The following JAM3 variants were observed in gnomAD, a reference collection of about 807,000 sequenced individuals.
The protein encoded by JAM3 is junctional adhesion molecule C.
Under a neutral mutation model 39.4 loss-of-function variants are expected in JAM3, and 31 were observed. The ratio of observed to expected loss-of-function variants is 0.79; its 90% CI spans 0.59 to 1.06. The LOEUF (loss-of-function observed/expected upper bound fraction) is 1.06, where lower values mean the gene tolerates loss of function less well. Among genes scored for constraint, JAM3 ranks in the 50% least tolerant of loss-of-function variants. The pLI is 0.00. For missense variants in JAM3, 455 were observed against 391.4 expected, an observed-to-expected ratio of 1.16 and a Z score of -1.37; for synonymous variants, 182 against 148.7, an observed-to-expected ratio of 1.22 and a Z score of -1.63.
chr11:134,127,528 G>T (rs1239763802), intron 1 of JAM3, among the ~76,000 whole-genome samples: 1 of 152,072 alleles, frequency 6.6e-6, no homozygotes, highest in African/African-American at 2.4e-5. Flanking sequence ...GTGAAACCCC[G>T]TTTCTATTAA....
At chr11:134,091,122 G>T (rs1289883168) in intron 1 of JAM3, among the ~76,000 whole-genome samples, 1 of 152,104 alleles carries the variant, frequency 6.6e-6, no homozygotes, top group Admixed American at 6.5e-5. Context: ...CTGTGGATTG[G>T]CTTAGAACTG....
At chr11:134,118,637 C>A (rs1050248237) in intron 1 of JAM3, among the ~76,000 whole-genome samples, 1 of 152,186 alleles carries the variant, frequency 6.6e-6, no homozygotes, top group African/African-American at 2.4e-5. Flanking sequence ...TACTCTTCCT[C>A]CTCTCTCCCT....
chr11:134,088,051 C>A (rs1246743155), intron 1 of JAM3, among the ~76,000 whole-genome samples: 4 of 152,208 alleles, frequency 2.6e-5, no homozygotes, highest in African/African-American at 9.7e-5. Context: ...TGCTGTAAGA[C>A]AGGATTCAGC....
chr11:134,083,437 C>G (rs1286641283), intron 1 of JAM3, among the ~76,000 whole-genome samples: 2 of 152,310 alleles, frequency 1.3e-5, no homozygotes. Context: ...GGGCTAGTAT[C>G]CCACATGCTG....
At chr11:134,071,069 T>A (rs1217835117) in intron 1 of JAM3, among the ~76,000 whole-genome samples, 1 of 152,246 alleles carries the variant, frequency 6.6e-6, no homozygotes, top group Non-Finnish European at 1.5e-5. Flanking sequence ...TCATGACTAC[T>A]GTGTCCTTTT....
chr11:134,124,121 A>G (rs1463641222), intron 1 of JAM3: 11 of 1,488,826 alleles, frequency 7.4e-6, no homozygotes, highest in South Asian at 2.3e-5. Flanking sequence ...GTGGAGCTCC[A>G]TCATCAAATG....
In JAM3 at chr11:134,140,652, G is replaced by T. The variant is rs762090062; in HGVS notation, c.143-5G>T. ...CGAGAGCTCTTTTTCTTCTTTGCGT[G>T]TTAGGTGTGGAACTGTCTTGCATCA... On this transcript the variant is annotated splice_region_variant and splice_polypyrimidine_tract_variant and intron_variant, in intron 2 of 8. Coordinates refer to ENST00000299106, the MANE Select transcript of JAM3 (RefSeq NM_032801.5). The T allele has an allele frequency of 3.8e-5, 61 of 1,610,666 alleles. No homozygotes were observed. The highest frequency in any genetic ancestry group is 1.3e-5 in the African/African-American group (1 of 74,780).
rs1480311549 is a variant in JAM3 at position 134,144,778 on chromosome 11, C to G, written c.410-14C>G. The G allele has an allele frequency of 6.2e-7, 1 of 1,609,076 alleles. No homozygotes were observed. The highest frequency in any genetic ancestry group is 8.5e-7 in the Non-Finnish European group (1 of 1,175,884). Reference sequence around the variant, plus strand: ...GTCACTGAGATCTTAAACACCACCCCTTTTTCCCCACAGTGAAGCCAGTGA... The same window carrying G: ...GTCACTGAGATCTTAAACACCACCCGTTTTTCCCCACAGTGAAGCCAGTGA... On this transcript the variant is annotated splice_polypyrimidine_tract_variant and intron_variant, in intron 4 of 8. Coordinates refer to ENST00000299106, the MANE Select transcript of JAM3 (RefSeq NM_032801.5).
intron 1 of JAM3, among the ~76,000 whole-genome samples, chr11:134,128,552 C>T (rs1166068214): frequency 6.6e-6 from 1 of 152,162 alleles, no homozygotes; most frequent in African/African-American, 2.4e-5. Flanking sequence ...TCCCCCCATG[C>T]TGTTCTCATG....
intron 1 of JAM3, among the ~76,000 whole-genome samples, chr11:134,125,285 G>A (rs1200070391): frequency 6.6e-6 from 1 of 152,226 alleles, no homozygotes; most frequent in Admixed American, 6.5e-5. Flanking sequence ...TGTTGAAGAT[G>A]ACGGTGCCAG....
intron 1 of JAM3, among the ~76,000 whole-genome samples, chr11:134,086,096 G>C (rs191419097): frequency 3.3e-5 from 5 of 152,294 alleles, no homozygotes; most frequent in African/African-American, 1.2e-4. Context: ...CTGTAGAGAG[G>C]TGATTGTAAT....
intron 1 of JAM3, among the ~76,000 whole-genome samples, chr11:134,132,315 C>A (rs1420495201): frequency 1.3e-5 from 2 of 152,146 alleles, no homozygotes; most frequent in South Asian, 2.1e-4. Flanking sequence ...AACACAAATT[C>A]TATATCCAGC....
At chr11:134,076,154 T>TC (rs71479583) in intron 1 of JAM3, among the ~76,000 whole-genome samples, 1,619 of 99,610 alleles carry the variant, frequency 0.016, 19 homozygotes, top group East Asian at 0.11. Context: ...TTTCTTTCTT[T>TC]TTTTTTTTTT....
Position 134,144,947 on chromosome 11 carries a change from A to T in JAM3, c.565A>T (p.Arg189Ter). Reference sequence around the variant, plus strand: ...GCCCACGGATTCCAGAGCCAATCCCAGATTTCGCAATTCTTCTTTCCACTT... The same window carrying T: ...GCCCACGGATTCCAGAGCCAATCCCTGATTTCGCAATTCTTCTTTCCACTT... ...PLPTDSRANPRFRNSSFHLNS... is the reference protein window; with the variant it reads ...PLPTDSRANP Residue 189 changes from arginine (R) to a stop codon, truncating the protein, a stop_gained, in exon 5 of 9, where the codon AGA becomes TGA. Transcript: ENST00000299106. LOFTEE classifies it high-confidence loss of function. The T allele has an allele frequency of 6.2e-7, 1 of 1,614,230 alleles. No individual in the cohort carries two copies. The highest frequency in any genetic ancestry group is 8.5e-7 in the Non-Finnish European group (1 of 1,180,038).
chr11:134,138,623 C>T (rs1371669111), intron 1 of JAM3, among the ~76,000 whole-genome samples: 3 of 152,214 alleles, frequency 2.0e-5, no homozygotes, highest in Non-Finnish European at 4.4e-5. Context: ...GTAGAAGGGG[C>T]TGCACATGCA....
intron 6 of JAM3, chr11:134,148,315 C>G: frequency 1.7e-6 from 1 of 582,630 alleles, no homozygotes. Flanking sequence ...AGTGCGACTG[C>G]ATTTCAACTG....
chr11:134,121,822 C>T (rs541718963), intron 1 of JAM3, among the ~76,000 whole-genome samples: 38 of 72,644 alleles, frequency 5.2e-4, no homozygotes, highest in East Asian at 4.6e-3. Flanking sequence ...CATGTGTGCG[C>T]ACACACACAC....
chr11:134,104,121 C>T (rs1007290904), intron 1 of JAM3, among the ~76,000 whole-genome samples: 5 of 152,212 alleles, frequency 3.3e-5, no homozygotes, highest in Non-Finnish European at 7.3e-5. Context: ...AAGCACTCCT[C>T]AGCAAATGTA....
intron 1 of JAM3, among the ~76,000 whole-genome samples, chr11:134,138,001 AATAGT>A (rs1942899811): frequency 1.3e-5 from 1 of 77,034 alleles, no homozygotes; most frequent in Non-Finnish European, 2.5e-5. Context: ...GTTTATGGCC[AATAGT>A]CCCTTAGAGC....
Sources: gnomAD v4.1 joint callset for allele counts (sites outside exome capture counted in the v4.1 genomes callset) on GRCh38, gnomAD v4.1.1 for gene constraint, MANE v1.5 for transcripts, NCBI Gene and HGNC (gene_info 2026-07-23, HGNC 2026-07-21) for gene names.